ADAMTSL1: variants seen among roughly 807,000 people sequenced by gnomAD.
ADAMTSL1 encodes the protein ADAMTS-like protein 1.
A neutral mutation model predicts 201.8 loss-of-function variants in ADAMTSL1; 126 were observed. The ratio of observed to expected loss-of-function variants is 0.62; its 90% CI spans 0.54 to 0.72. The LOEUF is 0.72. Among genes scored for constraint, ADAMTSL1 ranks in the 30% least tolerant of loss-of-function variants. ADAMTSL1 has a pLI of 0.00. For synonymous variants in ADAMTSL1, 1,121 were observed against 903.4 expected, an observed-to-expected ratio of 1.24 and a Z score of -4.32; for missense variants, 2,679 against 2,277.8, an observed-to-expected ratio of 1.18 and a Z score of -3.59.
chr9:18,421,018 G>T (rs1408164717), intron 2 of ADAMTSL1, among the ~76,000 whole-genome samples: 1 of 152,070 alleles, frequency 6.6e-6, no homozygotes, highest in Non-Finnish European at 1.5e-5. Context: ...AATTCAGATT[G>T]GGCAGACTGG....
At chr9:18,179,119 A>T (rs1374259022) in intron 2 of ADAMTSL1, among the ~76,000 whole-genome samples, 2 of 152,142 alleles carry the variant, frequency 1.3e-5, no homozygotes, top group East Asian at 3.9e-4. Context: ...AAAGACGTTG[A>T]AAACTTTGAA....
At chr9:18,024,489 T>C (rs1036902516) in intron 1 of ADAMTSL1, among the ~76,000 whole-genome samples, 1 of 152,050 alleles carries the variant, frequency 6.6e-6, no homozygotes, top group African/African-American at 2.4e-5. Context: ...AATGTTTAGT[T>C]CCTACTTGTA....
At chr9:18,287,743 T>C (rs998597059) in intron 2 of ADAMTSL1, among the ~76,000 whole-genome samples, 2 of 143,420 alleles carry the variant, frequency 1.4e-5, no homozygotes, top group African/African-American at 5.0e-5. Context: ...CCTTTGTGGT[T>C]CCCACAGGGA....
chr9:18,079,993 C>T (rs1018796434), intron 1 of ADAMTSL1, among the ~76,000 whole-genome samples: 2 of 152,048 alleles, frequency 1.3e-5, no homozygotes, highest in East Asian at 3.9e-4. Flanking sequence ...ACCAGGTGAG[C>T]TGAACAAAGA....
chr9:18,289,168 TCTATCTACCTAC>T (rs879636742), intron 2 of ADAMTSL1, among the ~76,000 whole-genome samples: 10,466 of 132,832 alleles, frequency 0.079, 399 homozygotes, highest in Middle Eastern at 0.12. Context: ...TATCTATCTA[TCTATCTACCTAC>T]CTATCTATCT....
intron 16 of ADAMTSL1, among the ~76,000 whole-genome samples, chr9:18,766,678 A>T (rs1029208783): frequency 1.3e-5 from 2 of 152,156 alleles, no homozygotes; most frequent in African/African-American, 4.8e-5. Flanking sequence ...TGGTTCATAG[A>T]TGGTGCTCTG....
chr9:18,020,642 C>G (rs1473887376), intron 1 of ADAMTSL1, among the ~76,000 whole-genome samples: 1 of 152,032 alleles, frequency 6.6e-6, no homozygotes, highest in Non-Finnish European at 1.5e-5. Flanking sequence ...TTGCCTCCCA[C>G]CAGGTCTCTC....
intron 23 of ADAMTSL1, among the ~76,000 whole-genome samples, chr9:18,848,405 A>C (rs1336765587): frequency 6.6e-6 from 1 of 152,236 alleles, no homozygotes; most frequent in East Asian, 1.9e-4. Context: ...TTTTAATCTG[A>C]CATTCAAGGT....
chr9:18,307,304 C>T (rs1197782535), intron 2 of ADAMTSL1, among the ~76,000 whole-genome samples: 1 of 152,084 alleles, frequency 6.6e-6, no homozygotes, highest in African/African-American at 2.4e-5. Context: ...GCAAAATAAC[C>T]AGCTACCATC....
intron 2 of ADAMTSL1, among the ~76,000 whole-genome samples, chr9:18,169,196 TG>T (rs1197243263): frequency 2.0e-5 from 3 of 151,932 alleles, no homozygotes; most frequent in African/African-American, 7.2e-5. Context: ...ATGAAGTCCT[TG>T]CCCATGCCTA....
chr9:17,987,100 A>C (rs1312470130), intron 1 of ADAMTSL1, among the ~76,000 whole-genome samples: 4 of 152,076 alleles, frequency 2.6e-5, no homozygotes, highest in Admixed American at 6.6e-5. Flanking sequence ...CTTCTTTTAT[A>C]TCATGTCTCT....
At chr9:18,813,055 C>A (rs958415925) in intron 20 of ADAMTSL1, among the ~76,000 whole-genome samples, 1 of 151,026 alleles carries the variant, frequency 6.6e-6, no homozygotes, top group Non-Finnish European at 1.5e-5. Context: ...GCAAACTCTG[C>A]CTCTTTGGTT....
intron 1 of ADAMTSL1, among the ~76,000 whole-genome samples, chr9:17,937,418 C>A (rs996355379): frequency 6.6e-6 from 1 of 152,002 alleles, no homozygotes; most frequent in African/African-American, 2.4e-5. Context: ...TCCACACTGC[C>A]TCTCAATATA....
chr9:18,021,801 C>T (rs1202736337), intron 1 of ADAMTSL1, among the ~76,000 whole-genome samples: 1 of 152,040 alleles, frequency 6.6e-6, no homozygotes, highest in Non-Finnish European at 1.5e-5. Context: ...TGTGGAGTCT[C>T]ATGTCAAGAA....
chr9:17,929,158 T>A (rs897717888), intron 1 of ADAMTSL1, among the ~76,000 whole-genome samples: 7 of 152,128 alleles, frequency 4.6e-5, no homozygotes, highest in African/African-American at 1.7e-4. Context: ...CACAAACATA[T>A]TAATAGCTCC....
intron 1 of ADAMTSL1, among the ~76,000 whole-genome samples, chr9:17,932,031 T>G (rs1420131851): frequency 6.6e-6 from 1 of 152,176 alleles, no homozygotes; most frequent in Non-Finnish European, 1.5e-5. Context: ...TGAGTTCAAA[T>G]CCACCTGTGC....
chr9:18,075,946 G>A (rs1422058581), intron 1 of ADAMTSL1, among the ~76,000 whole-genome samples: 1 of 152,222 alleles, frequency 6.6e-6, no homozygotes, highest in Non-Finnish European at 1.5e-5. Context: ...AGGAAGTAGT[G>A]TAGTGTCAAC....
chr9:18,624,089 G>T (rs1826205621), intron 5 of ADAMTSL1, among the ~76,000 whole-genome samples: 1 of 152,132 alleles, frequency 6.6e-6, no homozygotes, highest in African/African-American at 2.4e-5. Context: ...AAAGAATGGG[G>T]ACTTACAAAC....
intron 15 of ADAMTSL1, among the ~76,000 whole-genome samples, chr9:18,731,901 A>G (rs1348606522): frequency 5.9e-5 from 9 of 152,166 alleles, no homozygotes; most frequent in African/African-American, 1.2e-4. Flanking sequence ...AGCCATGCCT[A>G]TCATCCAACC....
Sources: gnomAD v4.1 joint callset for allele counts (sites outside exome capture counted in the v4.1 genomes callset) on GRCh38, gnomAD v4.1.1 for gene constraint, MANE v1.5 for transcripts, NCBI Gene and HGNC (gene_info 2026-07-23, HGNC 2026-07-21) for gene names.